Variants in KLHL42 observed in about 807,000 individuals in gnomAD.
KLHL42 encodes the protein kelch like family member 42.
KLHL42 carries 27 observed loss-of-function variants against 32.7 expected under a neutral mutation model. The observed-to-expected ratio is 0.83, with a 90% CI of 0.61 to 1.14. The LOEUF is 1.14. Among genes scored for constraint, KLHL42 ranks in the 50% most tolerant of loss-of-function variants. The pLI, the probability that KLHL42 is intolerant of heterozygous loss-of-function variation, is 0.00. For synonymous variants in KLHL42, 267 were observed against 248.2 expected (o/e 1.08, Z -0.71); for missense variants, 491 against 560.8 (o/e 0.88, Z 1.26).
rs1054596858 is a variant in KLHL42, at chr12:27,799,711, G to A, written c.*1545G>A. 1 of 152,734 alleles carries A rather than the reference G, an allele frequency of 6.5e-6. No homozygotes were observed. Among genetic ancestry groups the A allele is most frequent in the East Asian group, 1.9e-4 (1 of 5,200 alleles). 9.5% of individuals were successfully genotyped at this position (152,734 alleles called of 1,614,324 possible). Reference sequence around the variant, plus strand: ...GTTTTCTTTACAACCATGGCCTCTAGTATACTTAAAATAAGCGTCCAGTTA... The same window carrying A: ...GTTTTCTTTACAACCATGGCCTCTAATATACTTAAAATAAGCGTCCAGTTA... On this transcript the variant is annotated 3_prime_UTR_variant, in exon 3 of 3. Coordinates refer to ENST00000381271, the MANE Select transcript of KLHL42 (RefSeq NM_020782.2).
intron 1 of KLHL42, among the ~76,000 whole-genome samples, chr12:27,784,714 T>C (rs1591814027): frequency 1.3e-5 from 2 of 152,236 alleles, no homozygotes; most frequent in East Asian, 3.8e-4. Context: ...TCCTCTTCCA[T>C]CAAAAGTGTT....
At chr12:27,789,157 T>G (rs777001007) in intron 1 of KLHL42, among the ~76,000 whole-genome samples, 5 of 152,208 alleles carry the variant, frequency 3.3e-5, no homozygotes, top group Non-Finnish European at 7.3e-5. Flanking sequence ...CTCCCTAGAA[T>G]GCCAATGGAG....
intron 2 of KLHL42, among the ~76,000 whole-genome samples, chr12:27,794,146 A>T (rs182017178): frequency 2.0e-5 from 3 of 152,342 alleles, no homozygotes; most frequent in African/African-American, 7.2e-5. Context: ...TGCCATAACA[A>T]ATTAGTATAC....
Position 27,780,288 on chromosome 12 carries a change from C to A in KLHL42, c.-43C>A. 1 of 1,500,276 alleles carries A rather than the reference C, an allele frequency of 6.7e-7. No homozygotes were observed. Among genetic ancestry groups the A allele is most frequent in the Non-Finnish European group, 8.9e-7 (1 of 1,127,104 alleles). 92.9% of individuals were successfully genotyped at this position (1,500,276 alleles called of 1,614,324 possible). On this transcript the variant is annotated 5_prime_UTR_variant, in exon 1 of 3. Coordinates refer to ENST00000381271, the MANE Select transcript of KLHL42 (RefSeq NM_020782.2). This position sits in a 1 kb window ranked among gnomAD's most constrained non-coding sequence, Gnocchi z 8.8. ...GCGCGTAGGGGCTGGGAGGCCGGCGCGCAGATCTGGCGGTGAGCGCTGCCG... is the reference window on the plus strand; with the variant it reads ...GCGCGTAGGGGCTGGGAGGCCGGCGAGCAGATCTGGCGGTGAGCGCTGCCG...
chr12:27,780,945 A>G lies in KLHL42; in HGVS notation c.615A>G (p.Gly205=). ...TGGCCCTCGGGGACTTCCTGGGGGG[A>G]CCCCTGGCCCCTCACCCCTACCAGG... The part of the protein sequence containing the change: ...VLVALGDFLG[G]PLAPHPYQGE... Residue 205 remains glycine, a synonymous_variant, in exon 1 of 3, where the codon GGA becomes GGG. Coordinates refer to ENST00000381271, the MANE Select transcript of KLHL42 (RefSeq NM_020782.2). This position sits in a 1 kb window ranked among gnomAD's most constrained non-coding sequence, Gnocchi z 8.8. 12 of 1,600,700 alleles carry G rather than the reference A, an allele frequency of 7.5e-6. No individual in the cohort carries two copies. The highest frequency in any genetic ancestry group is 1.0e-5 in the Non-Finnish European group (12 of 1,170,596).
intron 2 of KLHL42, among the ~76,000 whole-genome samples, chr12:27,795,673 G>A (rs1418950768): frequency 1.3e-5 from 2 of 152,192 alleles, no homozygotes; most frequent in South Asian, 2.1e-4. Context: ...CTTAAGTCAA[G>A]TGAGACTTTT....
chr12:27,787,026 A>G (rs140265373), intron 1 of KLHL42, among the ~76,000 whole-genome samples: 43 of 151,950 alleles, frequency 2.8e-4, no homozygotes, highest in African/African-American at 9.7e-4. Flanking sequence ...CGCCCGGCCA[A>G]TTGAGAGATT....
At position 27,783,642 on chromosome 12, in the gene KLHL42, C is replaced by CGGGA. The variant is rs568962739; in HGVS notation, c.872+2441_872+2444dup. On this transcript the variant is annotated intron_variant, in intron 1 of 2. Transcript: ENST00000381271. ...TGTCGCCCAGGCTGGAGTGCAGTGG[C>CGGGA]GGGATCTCGGCTCACTGCAAGCTCC... 5.8e-3 allele frequency among the ~76,000 whole-genome samples: 886 copies of CGGGA among 152,066 alleles called. 3 individuals are homozygous for CGGGA. Among genetic ancestry groups the CGGGA allele is most frequent in the African/African-American group, 0.02 (848 of 41,492 alleles).
At chr12:27,797,259 G>GA in intron 2 of KLHL42, 1 of 456,786 alleles carries the variant, frequency 2.2e-6, no homozygotes, top group Non-Finnish European at 4.4e-6. Context: ...AGCCTCTGGA[G>GA]ATCCTGTGTT....
intron 1 of KLHL42, chr12:27,787,727 A>G (rs1269526577): frequency 1.3e-5 from 2 of 152,200 alleles, no homozygotes; most frequent in Non-Finnish European, 2.9e-5. Flanking sequence ...AGACTTTAAT[A>G]AACAAGTGTC....
rs1414550638 is a variant in KLHL42 at position 27,797,800 on chromosome 12, G to C, written c.1152G>C (p.Gln384His). 3 of 768,296 alleles carry C rather than the reference G, an allele frequency of 3.9e-6. No homozygotes were observed. The South Asian group carries it at 4.1e-5, about 10-fold the overall frequency. 47.6% of individuals were successfully genotyped at this position (768,296 alleles called of 1,614,324 possible). Reference sequence around the variant, plus strand: ...CATGTGACGTCCACATTCGCAAGCAGCAGATGGTGTCTGTGGAAGAGACCA... The same window carrying C: ...CATGTGACGTCCACATTCGCAAGCACCAGATGGTGTCTGTGGAAGAGACCA... ...FETCDVHIRK[Q>H]QMVSVEETIY... The change falls in exon 3 of 3, where the codon CAG becomes CAC. Residue 384 changes from glutamine (Q) to histidine (H), a missense_variant. Around this residue, in one of 4 missense-constraint regions of KLHL42, gnomAD observed 152 missense variants for 125.9 expected, o/e 1.21. Transcript: ENST00000381271.
In KLHL42 at chr12:27,800,154, C is replaced by T. The variant is rs115487576; in HGVS notation, c.*1988C>T. ...GTCAGTTGAATTAGTACTGGACAAA[C>T]AGTTGGAGATTAGTTTGCAAATAAG... is the stretch of plus-strand genomic sequence containing the variant. On this transcript the variant is annotated 3_prime_UTR_variant, in exon 3 of 3. Coordinates refer to ENST00000381271, the MANE Select transcript of KLHL42 (RefSeq NM_020782.2). 1,170 of 985,272 alleles carry T rather than the reference C, an allele frequency of 1.2e-3. 17 individuals carry two copies. The African/African-American group carries it at 0.019, about 16-fold the overall frequency. 61.0% of individuals were successfully genotyped at this position (985,272 alleles called of 1,614,324 possible).
rs545278947 is a variant in KLHL42 at position 27,797,883 on chromosome 12, G to C, written c.1235G>C (p.Ser412Thr). The change falls in exon 3 of 3, where the codon AGC becomes ACC. Residue 412 changes from serine (S) to threonine (T), a missense_variant. Transcript: ENST00000381271. The stretch of plus-strand genomic sequence containing the variant: ...GGGCCCAACCGCAGGAGCAGCCAGA[G>C]CGAGGACATGCTCACCGTGCAGTCC... ...ELGPNRRSSQSEDMLTVQSYN... is the reference protein window; with the variant it reads ...ELGPNRRSSQTEDMLTVQSYN... 1 of 780,968 alleles carries C rather than the reference G, an allele frequency of 1.3e-6. No homozygotes were observed. Among genetic ancestry groups the C allele is most frequent in the South Asian group, 1.3e-5 (1 of 74,614 alleles). 48.4% of individuals were successfully genotyped at this position (780,968 alleles called of 1,614,324 possible).
rs753195539 is a variant in KLHL42, at chr12:27,780,751, G to C, written c.421G>C (p.Gly141Arg). ...LEMYRLAQVY[G>R]LPDLQEACLR... Reference sequence around the variant, plus strand: ...GATGTACCGCCTGGCGCAGGTGTACGGGCTGCCCGACCTGCAGGAGGCCTG... The same window carrying C: ...GATGTACCGCCTGGCGCAGGTGTACCGGCTGCCCGACCTGCAGGAGGCCTG... Residue 141 changes from glycine to arginine, a missense_variant, in exon 1 of 3, where the codon GGG becomes CGG. By Grantham distance (125) the Gly-to-Arg change is moderately radical (BLOSUM62 -2). This residue lies in a region of KLHL42 where 248 missense variants were observed against 329.2 expected (regional missense o/e 0.75). Coordinates refer to ENST00000381271, the MANE Select transcript of KLHL42 (RefSeq NM_020782.2). This position sits in a 1 kb window ranked among gnomAD's most constrained non-coding sequence, Gnocchi z 8.8. 1 of 1,613,352 alleles carries C rather than the reference G, an allele frequency of 6.2e-7. No homozygotes were observed. Among genetic ancestry groups the C allele is most frequent in the South Asian group, 1.1e-5 (1 of 91,082 alleles).
intron 2 of KLHL42, among the ~76,000 whole-genome samples, chr12:27,794,931 TTAG>T (rs1310425843): frequency 6.6e-6 from 1 of 151,816 alleles, no homozygotes; most frequent in African/African-American, 2.4e-5. Flanking sequence ...AAAAAGAAAC[TTAG>T]TAGTCATTGC....
Position 27,780,462 on chromosome 12 carries a change from G to A in KLHL42, c.132G>A (p.Gln44=). 5 of 1,544,886 alleles carry A rather than the reference G, an allele frequency of 3.2e-6. No individual in the cohort carries two copies. Among genetic ancestry groups the A allele is most frequent in the Non-Finnish European group, 4.4e-6 (5 of 1,146,162 alleles). ...CCGGCATGCGCGAGGCCCTGAGCCA[G>A]GAGGCCGGCGGCCCGGAGGTGCAGC... ...YRSGMREALS[Q]EAGGPEVQQL... is the part of the protein sequence containing the mutation. The change falls in exon 1 of 3, where the codon CAG becomes CAA. Residue 44 remains glutamine, a synonymous_variant. Transcript: ENST00000381271. The surrounding 1 kb of genome is among the most constrained non-coding windows in gnomAD (Gnocchi z 8.8).
rs147956159 is a variant in KLHL42, at chr12:27,783,527, A to G, written c.872+2325A>G. ...TGGCACTTGATATTTCCATTTAACC[A>G]TATCTGAGAGTTTTTTTTCTGTGTC... On this transcript the variant is annotated intron_variant, in intron 1 of 2. Coordinates refer to ENST00000381271, the MANE Select transcript of KLHL42 (RefSeq NM_020782.2). Among the ~76,000 whole-genome samples, 13 of 152,314 alleles carry G rather than the reference A, an allele frequency of 8.5e-5. No homozygotes were observed. The East Asian group carries it at 2.1e-3, about 25-fold the overall frequency.
chr12:27,784,300 A>ATTT (rs34586949), intron 1 of KLHL42, among the ~76,000 whole-genome samples: 24 of 142,066 alleles, frequency 1.7e-4, no homozygotes, highest in African/African-American at 5.2e-4. Context: ...CGCCTGGCTA[A>ATTT]TTTTTTTTTT....
chr12:27,796,512 A>G (rs2062219198), intron 2 of KLHL42, among the ~76,000 whole-genome samples: 1 of 121,044 alleles, frequency 8.3e-6, no homozygotes, highest in Admixed American at 9.4e-5. Flanking sequence ...ATACTTGTTT[A>G]TTCTTTCCTA....
Sources: allele counts gnomAD v4.1 joint callset (sites outside exome capture counted in the v4.1 genomes callset), GRCh38; gene constraint gnomAD v4.1.1; regional missense constraint gnomAD v4.1.1; non-coding constraint Gnocchi (gnomAD v3.1); transcripts MANE v1.5; gene names NCBI Gene and HGNC (gene_info 2026-07-23, HGNC 2026-07-21).